Variants in SHISA6 observed in about 807,000 individuals in gnomAD.
SHISA6 encodes shisa family member 6, also known as protein shisa-6.
Under a neutral mutation model 47.9 loss-of-function variants are expected in SHISA6, and 22 were observed. That is an observed-to-expected ratio of 0.46 (90% confidence interval 0.33 to 0.66). SHISA6 has a LOEUF of 0.66. Ranked by LOEUF, SHISA6 falls within the 30% of genes least tolerant of loss-of-function variation. The probability of loss-of-function intolerance (pLI) is 0.02; values close to 1 mark genes in which losing one functional copy is unlikely to be tolerated. For missense variants in SHISA6, 680 were observed against 764.6 expected (o/e 0.89, Z 1.30); for synonymous variants, 388 against 337.8 (o/e 1.15, Z -1.63).
At chr17:11,332,546 A>C (rs1911157077) in intron 2 of SHISA6, among the ~76,000 whole-genome samples, 1 of 152,104 alleles carries the variant, frequency 6.6e-6, no homozygotes, top group Non-Finnish European at 1.5e-5. Flanking sequence ...ACATCCCATG[A>C]TACGGGAAGG....
At chr17:11,310,921 A>C (rs1157177538) in intron 2 of SHISA6, among the ~76,000 whole-genome samples, 9 of 152,046 alleles carry the variant, frequency 5.9e-5, no homozygotes, top group Admixed American at 5.2e-4. Flanking sequence ...ATCCTGGCTA[A>C]CGTGGTGAAA....
At chr17:11,495,134 A>G (rs1042693095) in intron 3 of SHISA6, among the ~76,000 whole-genome samples, 1 of 152,150 alleles carries the variant, frequency 6.6e-6, no homozygotes, top group Non-Finnish European at 1.5e-5. Context: ...TCTATCTGGG[A>G]TAGACCCAAA....
At chr17:11,532,739 C>CTTTTTTTTTTTTTTTTT in intron 3 of SHISA6, among the ~76,000 whole-genome samples, 1 of 71,256 alleles carries the variant, frequency 1.4e-5, no homozygotes, top group Non-Finnish European at 2.4e-5. Flanking sequence ...TCTATCAGGG[C>CTTTTTTTTTTTTTTTTT]TTTTTTTTTT....
At chr17:11,372,902 AT>A (rs1299499535) in intron 2 of SHISA6, among the ~76,000 whole-genome samples, 1 of 152,028 alleles carries the variant, frequency 6.6e-6, no homozygotes, top group Non-Finnish European at 1.5e-5. Flanking sequence ...AAGATGGAGA[AT>A]TGCTCCCCCA....
chr17:11,305,378 A>G (rs1910074736), intron 2 of SHISA6, among the ~76,000 whole-genome samples: 1 of 152,238 alleles, frequency 6.6e-6, no homozygotes, highest in African/African-American at 2.4e-5. Context: ...TTCTGAGATC[A>G]ATAAGCAATG....
chr17:11,461,065 TG>T (rs1204315456), intron 3 of SHISA6, among the ~76,000 whole-genome samples: 3 of 152,186 alleles, frequency 2.0e-5, no homozygotes, highest in African/African-American at 7.2e-5. Context: ...GTGTTGAATC[TG>T]TTAAAAATAA....
intron 3 of SHISA6, among the ~76,000 whole-genome samples, chr17:11,396,918 A>T (rs1199753597): frequency 2.0e-5 from 3 of 152,226 alleles, no homozygotes; most frequent in African/African-American, 7.2e-5. Context: ...TTTTAAAAAA[A>T]GAATTAGAAA....
chr17:11,469,252 T>C (rs923992180), intron 3 of SHISA6, among the ~76,000 whole-genome samples: 1 of 151,998 alleles, frequency 6.6e-6, no homozygotes, highest in Non-Finnish European at 1.5e-5. Context: ...CTCAATGTCA[T>C]CACAAGGGTC....
At chr17:11,526,110 A>C (rs796551737) in intron 3 of SHISA6, among the ~76,000 whole-genome samples, 67 of 146,916 alleles carry the variant, frequency 4.6e-4, no homozygotes, top group Admixed American at 8.1e-4. Context: ...TACCAAGGGG[A>C]CCCCCCCCCG....
At chr17:11,497,955 A>ACC (rs1340503940) in intron 3 of SHISA6, among the ~76,000 whole-genome samples, 3 of 152,146 alleles carry the variant, frequency 2.0e-5, no homozygotes, top group Non-Finnish European at 2.9e-5. Context: ...GAGAGCAGGT[A>ACC]TTGGGTTCTC....
rs77177088 is a variant in SHISA6, at chr17:11,328,429, G to A, written c.800-50985G>A. On this transcript the variant is annotated intron_variant, in intron 2 of 5. Coordinates refer to ENST00000441885, the MANE Select transcript of SHISA6 (RefSeq NM_207386.4). ...ACATTTACTGGTTGCAGAACCACAG[G>A]CAGCTTAATTAACCTTCTTGTGCCT... Among the ~76,000 whole-genome samples, 1,029 of 152,300 alleles carry A rather than the reference G, an allele frequency of 6.8e-3. 13 individuals are homozygous for A. Among genetic ancestry groups the A allele is most frequent in the African/African-American group, 0.023 (976 of 41,560 alleles).
chr17:11,334,326 G>GA lies in SHISA6; in HGVS notation c.800-45078dup, dbSNP rs750779559. 2.5e-4 allele frequency among the ~76,000 whole-genome samples: 38 copies of GA among 149,914 alleles called. No individual in the cohort carries two copies. The East Asian group carries it at 4.7e-3, about 18-fold the overall frequency. ...AGGTTGGAGAACTGGTTGATGTAAG[G>GA]AAAAAAAAAATTCACCCAGTTGGTG... On this transcript the variant is annotated intron_variant, in intron 2 of 5. Transcript: ENST00000441885.
intron 3 of SHISA6, 30 bp downstream of exon 3, chr17:11,379,539 ACAGAGGTTGCCTAGGGAACG>A: frequency 1.4e-6 from 2 of 1,466,916 alleles, no homozygotes; most frequent in Non-Finnish European, 1.8e-6. Flanking sequence ...TTACTAAAAT[ACAGAGGTTGCCTAGGGAACG>A]CCATCTGAAA....
chr17:11,326,150 A>G (rs1344796595), intron 2 of SHISA6, among the ~76,000 whole-genome samples: 1 of 152,136 alleles, frequency 6.6e-6, no homozygotes, highest in Non-Finnish European at 1.5e-5. Flanking sequence ...ATGCACCTGT[A>G]GTCCCAGCTA....
chr17:11,515,804 C>T (rs111707849), intron 3 of SHISA6, among the ~76,000 whole-genome samples: 3 of 152,092 alleles, frequency 2.0e-5, no homozygotes, highest in African/African-American at 7.2e-5. Flanking sequence ...ACCAAGGAGA[C>T]CTGGGCAGGG....
At chr17:11,389,346 C>A (rs549008712) in intron 3 of SHISA6, among the ~76,000 whole-genome samples, 11 of 152,144 alleles carry the variant, frequency 7.2e-5, no homozygotes, top group Non-Finnish European at 1.5e-4. Context: ...TGCTTGCTTG[C>A]GGAAGTTTCA....
chr17:11,325,759 T>G (rs970490845), intron 2 of SHISA6, among the ~76,000 whole-genome samples: 1 of 151,652 alleles, frequency 6.6e-6, no homozygotes, highest in Non-Finnish European at 1.5e-5. Context: ...CTGGGAAAAA[T>G]TACTTCCTCC....
intron 2 of SHISA6, among the ~76,000 whole-genome samples, chr17:11,303,720 C>T (rs549021472): frequency 1.1e-4 from 16 of 152,306 alleles, no homozygotes; most frequent in African/African-American, 1.4e-4. Flanking sequence ...GTTGGCCATG[C>T]GTGTCACTCA....
chr17:11,282,388 C>T (rs1403390451), intron 2 of SHISA6, among the ~76,000 whole-genome samples: 16 of 141,540 alleles, frequency 1.1e-4, no homozygotes, highest in Admixed American at 1.1e-3. Context: ...GGACTAGATA[C>T]GTGGTATTTC....
Sources: gnomAD v4.1 joint callset for allele counts (sites outside exome capture counted in the v4.1 genomes callset) on GRCh38, gnomAD v4.1.1 for gene constraint, MANE v1.5 for transcripts, NCBI Gene and HGNC (gene_info 2026-07-23, HGNC 2026-07-21) for gene names.